PDCD4: variants seen among roughly 807,000 people sequenced by gnomAD.
PDCD4 encodes the protein programmed cell death 4, also known as programmed cell death protein 4.
Under a neutral mutation model 54.0 loss-of-function variants are expected in PDCD4, and 56 were observed. That is an observed-to-expected ratio of 1.04 (90% confidence interval 0.84 to 1.30). The LOEUF is 1.30. PDCD4 is among the 50% of genes most tolerant of loss of function. The pLI is 0.00. For missense variants in PDCD4, 584 were observed against 559.8 expected (o/e 1.04, Z -0.44); for synonymous variants, 186 against 194.8 (o/e 0.95, Z 0.37).
chr10:110,875,070 C>T (rs919225112), intron 1 of PDCD4, among the ~76,000 whole-genome samples: 5 of 152,130 alleles, frequency 3.3e-5, no homozygotes, highest in Non-Finnish European at 7.4e-5. Flanking sequence ...TTAAAAAATA[C>T]TTCTAGAGAG....
intron 3 of PDCD4, 21 bp downstream of exon 3, chr10:110,881,556 AC>A: frequency 6.4e-7 from 1 of 1,572,062 alleles, no homozygotes; most frequent in South Asian, 1.2e-5. Flanking sequence ...ATCATGTCCA[AC>A]AAATGGAAGA....
intron 6 of PDCD4, among the ~76,000 whole-genome samples, chr10:110,888,627 A>G (rs1318106687): frequency 6.6e-6 from 1 of 152,194 alleles, no homozygotes; most frequent in Non-Finnish European, 1.5e-5. Flanking sequence ...ATATCAATGT[A>G]TGGCTTCTAT....
chr10:110,899,400 G>A lies in PDCD4; in HGVS notation c.*1312G>A, dbSNP rs920641886. The A allele has an allele frequency of 9.9e-5, 15 of 152,112 alleles. No individual in the cohort carries two copies. The highest frequency in any genetic ancestry group is 3.6e-4 in the African/African-American group (15 of 41,422). The allele number at this position is 152,112 out of a possible 1,614,324, so 9.4% of individuals were successfully genotyped here. A position where few individuals can be genotyped will look rare whatever the true frequency, so the allele number is the denominator to read the frequency against. On this transcript the variant is annotated 3_prime_UTR_variant, in exon 12 of 12. Coordinates refer to ENST00000280154, the MANE Select transcript of PDCD4 (RefSeq NM_014456.5). ...AGTTACCATTTTTAGGTTTTTAATTGTTTGACACTTGGATGATAAATGCAG... is the reference window on the plus strand; with the variant it reads ...AGTTACCATTTTTAGGTTTTTAATTATTTGACACTTGGATGATAAATGCAG...
rs1845617153 is a variant in PDCD4 at position 110,883,112 on chromosome 10, C to CT, written c.441+20dup. On this transcript the variant is annotated intron_variant, in intron 4 of 11. Transcript: ENST00000280154. ...ATGATGACCAGGTATCAGTGCTTTG[C>CT]TTTTTCATAATATTTAAAATGTTTA... 1 of 1,481,580 alleles carries CT rather than the reference C, an allele frequency of 6.7e-7. No homozygotes were observed. The highest frequency in any genetic ancestry group is 2.1e-5 in the Admixed American group (1 of 48,030). The allele number at this position is 1,481,580 out of a possible 1,614,324, so 91.8% of individuals were successfully genotyped here.
rs1845740738 is a variant in PDCD4, at chr10:110,890,627, G to T, written c.947G>T (p.Gly316Val). The change falls in exon 8 of 12, where the codon GGC (glycine) becomes GTC (valine). Residue 316 changes from glycine to valine, a missense_variant. Coordinates refer to ENST00000280154, the MANE Select transcript of PDCD4 (RefSeq NM_014456.5). The part of the protein sequence containing the change: ...KGGKRKDSVW[G>V]SGGGQQSVNH... Reference sequence around the variant, plus strand: ...GGAAAGCGTAAAGATAGTGTGTGGGGCTCTGGAGGTGGGCAGCAATCTGTC... The same window carrying T: ...GGAAAGCGTAAAGATAGTGTGTGGGTCTCTGGAGGTGGGCAGCAATCTGTC... 2 of 1,612,898 alleles carry T rather than the reference G, an allele frequency of 1.2e-6. No homozygotes were observed. The highest frequency in any genetic ancestry group is 1.7e-6 in the Non-Finnish European group (2 of 1,179,268).
rs1845413932 is a variant in PDCD4, at chr10:110,871,976, G to C, written c.-105G>C. The C allele has an allele frequency of 6.5e-6, 1 of 153,302 alleles. No homozygotes were observed. Among genetic ancestry groups the C allele is most frequent in the South Asian group, 2.1e-4 (1 of 4,850 alleles). The allele number at this position is 153,302 out of a possible 1,614,324, so 9.5% of individuals were successfully genotyped here. ...GAGACAGAAGAGCGGGGTCGGGGCCGGCTGACCAGGAACCTGGGCGAGCAG... is the reference window on the plus strand; with the variant it reads ...GAGACAGAAGAGCGGGGTCGGGGCCCGCTGACCAGGAACCTGGGCGAGCAG... On this transcript the variant is annotated 5_prime_UTR_variant, in exon 1 of 12. Coordinates refer to ENST00000280154, the MANE Select transcript of PDCD4 (RefSeq NM_014456.5).
intron 8 of PDCD4, among the ~76,000 whole-genome samples, chr10:110,893,420 G>T (rs1248664524): frequency 1.3e-5 from 2 of 149,312 alleles, no homozygotes; most frequent in African/African-American, 2.5e-5. Flanking sequence ...AATACAAAGG[G>T]GATTTTAACA....
intron 10 of PDCD4, among the ~76,000 whole-genome samples, chr10:110,895,138 G>C (rs987881748): frequency 2.6e-5 from 4 of 152,048 alleles, no homozygotes; most frequent in Non-Finnish European, 5.9e-5. Context: ...TGTTTTGTGT[G>C]ATGCTGAGGT....
chr10:110,884,021 T>G (rs1845632286), intron 4 of PDCD4, among the ~76,000 whole-genome samples: 1 of 152,204 alleles, frequency 6.6e-6, no homozygotes, highest in South Asian at 2.1e-4. Context: ...TTATCCGTGG[T>G]TTCACTTTCC....
At chr10:110,885,972 A>G (rs1310989195) in intron 5 of PDCD4, among the ~76,000 whole-genome samples, 1 of 152,190 alleles carries the variant, frequency 6.6e-6, no homozygotes, top group Admixed American at 6.5e-5. Flanking sequence ...TCTTTAGAAG[A>G]CTTTGATCAT....
Position 110,897,685 on chromosome 10 carries a change from T to C in PDCD4, c.1350-343T>C, listed in dbSNP as rs149422717. ...TCTGAATTATGTTAGTGTTTCCTATTTGGCTTACTGTTAAGCTTACAAATA... is the reference window on the plus strand; with the variant it reads ...TCTGAATTATGTTAGTGTTTCCTATCTGGCTTACTGTTAAGCTTACAAATA... On this transcript the variant is annotated intron_variant, in intron 11 of 11. Coordinates refer to ENST00000280154, the MANE Select transcript of PDCD4 (RefSeq NM_014456.5). 1.5e-3 allele frequency among the ~76,000 whole-genome samples: 224 copies of C among 152,318 alleles called. 1 individual carries two copies. The highest frequency in any genetic ancestry group is 5.1e-3 in the African/African-American group (214 of 41,588).
chr10:110,875,891 A>T, intron 1 of PDCD4, 75 bp from the exon 2 acceptor site: 2 of 569,410 alleles, frequency 3.5e-6, no homozygotes, highest in Non-Finnish European at 3.0e-6. Context: ...CAGTGTGCTT[A>T]AGTAAGTTTA....
chr10:110,892,107 G>A (rs142394234), intron 8 of PDCD4, among the ~76,000 whole-genome samples: 105 of 152,278 alleles, frequency 6.9e-4, no homozygotes, highest in African/African-American at 2.4e-3. Context: ...TATTGCATTT[G>A]TGATAGCATC....
Position 110,885,349 on chromosome 10 carries a change from G to C in PDCD4, c.538G>C (p.Asp180His), listed in dbSNP as rs766595732. Reference protein sequence around the residue: ...PIIQEYFEHGDTNEVAEMLRD... With the variant: ...PIIQEYFEHGHTNEVAEMLRD... The stretch of plus-strand genomic sequence containing the variant: ...CATACAGGAATATTTTGAGCATGGA[G>C]ATACTAATGAAGTTGCGGTAGGTTT... Residue 180 changes from aspartate to histidine, a missense_variant, in exon 5 of 12, where the codon GAT (aspartate) becomes CAT (histidine). Transcript: ENST00000280154. 2 of 1,548,128 alleles carry C rather than the reference G, an allele frequency of 1.3e-6. No homozygotes were observed. The highest frequency in any genetic ancestry group is 2.3e-5 in the East Asian group (1 of 43,720).
rs1475380272 is a variant in PDCD4, at chr10:110,898,253, G to A, written c.*165G>A. Reference sequence around the variant, plus strand: ...TTTAAGGGGAATTTTTAAAGGAAATGTTTTTTCTTTTTTTTTTGTTTTTCG... The same window carrying A: ...TTTAAGGGGAATTTTTAAAGGAAATATTTTTTCTTTTTTTTTTGTTTTTCG... On this transcript the variant is annotated 3_prime_UTR_variant, in exon 12 of 12. Transcript: ENST00000280154. 7.6e-6 allele frequency: 3 copies of A among 395,176 alleles called. No individual in the cohort carries two copies. The highest frequency in any genetic ancestry group is 4.5e-5 in the Admixed American group (1 of 22,042). The allele number at this position is 395,176 out of a possible 1,614,324, so 24.5% of individuals were successfully genotyped here.
chr10:110,889,623 C>T lies in PDCD4; in HGVS notation c.868C>T (p.Gln290Ter), dbSNP rs372001367. ...TTACAAAGGAACTGTAGATTGTGTG[C>T]AGGCTAGGTAAGTAAATCACTTTTC... ...DSYKGTVDCV[Q>*]ARAALDKATV... The change falls in exon 7 of 12, where the codon CAG (glutamine) becomes TAG (stop). Residue 290 changes from glutamine to a stop codon, truncating the protein, a stop_gained. Coordinates refer to ENST00000280154, the MANE Select transcript of PDCD4 (RefSeq NM_014456.5). LOFTEE classifies it high-confidence loss of function. 2 of 1,557,410 alleles carry T rather than the reference C, an allele frequency of 1.3e-6. No individual in the cohort carries two copies. Among genetic ancestry groups the T allele is most frequent in the Middle Eastern group, 1.7e-4 (1 of 5,966 alleles).
At chr10:110,872,730 C>CT (rs1343250080) in intron 1 of PDCD4, among the ~76,000 whole-genome samples, 28 of 152,296 alleles carry the variant, frequency 1.8e-4, no homozygotes, top group Middle Eastern at 6.8e-3. Flanking sequence ...CAAAGGGTCT[C>CT]TTTTTTTTAG....
intron 11 of PDCD4, among the ~76,000 whole-genome samples, chr10:110,897,625 AT>A (rs1274386962): frequency 6.6e-6 from 1 of 152,140 alleles, no homozygotes; most frequent in Non-Finnish European, 1.5e-5. Context: ...AAACATGGAT[AT>A]TTTGATAGGT....
At chr10:110,886,689 T>C (rs868083136) in intron 5 of PDCD4, among the ~76,000 whole-genome samples, 11 of 152,244 alleles carry the variant, frequency 7.2e-5, no homozygotes, top group African/African-American at 2.6e-4. Flanking sequence ...CCTTTGAGTA[T>C]GATAGGTGTG....
Sources: allele counts gnomAD v4.1 joint callset (sites outside exome capture counted in the v4.1 genomes callset), GRCh38; gene constraint gnomAD v4.1.1; transcripts MANE v1.5; gene names NCBI Gene and HGNC (gene_info 2026-07-23, HGNC 2026-07-21).